The following NPSR1 variants were observed in gnomAD, a reference collection of about 807,000 sequenced individuals.
NPSR1 encodes neuropeptide S receptor 1.
In NPSR1, 48 loss-of-function variants were observed where a neutral mutation model predicts 46.9. The ratio of observed to expected loss-of-function variants is 1.02; its 90% confidence interval spans 0.81 to 1.30. The LOEUF is 1.30. Ranked by LOEUF, NPSR1 falls within the 50% of genes most tolerant of loss-of-function variation. The probability of loss-of-function intolerance (pLI) is 0.00; values close to 1 mark genes in which losing one functional copy is unlikely to be tolerated. For synonymous variants in NPSR1, 176 were observed against 168.1 expected (o/e 1.05, Z -0.36); for missense variants, 450 against 449.5 (o/e 1.00, Z -0.01).
At chr7:34,792,871 G>A (rs1788002150) in intron 3 of NPSR1, among the ~76,000 whole-genome samples, 1 of 140,950 alleles carries the variant, frequency 7.1e-6, no homozygotes, top group Admixed American at 7.2e-5. Context: ...GCAACAGAGA[G>A]AGACCCTGTC....
chr7:34,784,030 A>G (rs1787350967), intron 3 of NPSR1, among the ~76,000 whole-genome samples: 1 of 152,202 alleles, frequency 6.6e-6, no homozygotes, highest in East Asian at 1.9e-4. Flanking sequence ...GCTAAAGGAA[A>G]AAAAAAAGAG....
intron 6 of NPSR1, among the ~76,000 whole-genome samples, chr7:34,841,871 G>A (rs1340643678): frequency 6.6e-6 from 1 of 152,184 alleles, no homozygotes; most frequent in African/African-American, 2.4e-5. Context: ...CCTAGGAACA[G>A]CCAGTGGGGA....
intron 8 of NPSR1, among the ~76,000 whole-genome samples, chr7:34,866,761 A>C (rs1198191031): frequency 1.3e-5 from 2 of 151,710 alleles, no homozygotes; most frequent in Admixed American, 6.6e-5. Flanking sequence ...AAGGAGAGTA[A>C]GCTAGGTGAA....
At chr7:34,737,705 C>T (rs1337088057) in intron 2 of NPSR1, among the ~76,000 whole-genome samples, 2 of 152,192 alleles carry the variant, frequency 1.3e-5, no homozygotes, top group Non-Finnish European at 2.9e-5. Context: ...TGCTTCTTCT[C>T]AGTCTCTTTT....
intron 8 of NPSR1, among the ~76,000 whole-genome samples, chr7:34,872,594 G>A (rs1203453577): frequency 1.3e-5 from 2 of 151,798 alleles, no homozygotes; most frequent in South Asian, 2.1e-4. Context: ...AGGAAAAAGG[G>A]TTTAATGGAC....
intron 8 of NPSR1, among the ~76,000 whole-genome samples, chr7:34,873,604 T>C (rs1249931856): frequency 6.6e-6 from 1 of 151,452 alleles, no homozygotes; most frequent in East Asian, 1.9e-4. Flanking sequence ...TCACACTCTT[T>C]TAAACAACCA....
rs190829259 is a variant in NPSR1, at chr7:34,715,589, G to A, written c.280+30905G>A. ...ACTATGTCACTCCCAGACTGAGACT[G>A]TGAAAAGCCCCTATTAGATGGTTGT... On this transcript the variant is annotated intron_variant, in intron 2 of 8. Transcript: ENST00000360581. Among the ~76,000 whole-genome samples, 4 of 152,332 alleles carry A rather than the reference G, an allele frequency of 2.6e-5. No individual in the cohort carries two copies. The East Asian group carries it at 7.7e-4, about 29-fold the overall frequency.
At position 34,792,703 on chromosome 7, in the gene NPSR1, A is replaced by ATATATATATATTTTTATATATATATG. The variant is rs1554331539; in HGVS notation, c.384+14151_384+14152insTTATATATATATGTATATATATATTT. Among the ~76,000 whole-genome samples, 620 of 88,520 alleles carry ATATATATATATTTTTATATATATATG rather than the reference A, an allele frequency of 7.0e-3. 22 individuals carry two copies. Among genetic ancestry groups the ATATATATATATTTTTATATATATATG allele is most frequent in the African/African-American group, 0.023 (600 of 26,114 alleles). 58.1% of individuals were successfully genotyped at this position (88,520 alleles called of 152,430 possible). ...TATATATATATGTATATATATACGT[A>ATATATATATATTTTTATATATATATG]TATATATATATTTATATATATATAT... On this transcript the variant is annotated intron_variant, in intron 3 of 8. Coordinates refer to ENST00000360581, the MANE Select transcript of NPSR1 (RefSeq NM_207172.2).
At chr7:34,809,264 ATT>A (rs1391872464) in intron 3 of NPSR1, among the ~76,000 whole-genome samples, 1 of 151,388 alleles carries the variant, frequency 6.6e-6, no homozygotes, top group Non-Finnish European at 1.5e-5. Context: ...CTAGTCTTCC[ATT>A]TTTCTCTTTC....
intron 8 of NPSR1, among the ~76,000 whole-genome samples, chr7:34,862,898 A>G (rs1339979952): frequency 6.6e-6 from 1 of 151,738 alleles, no homozygotes; most frequent in African/African-American, 2.4e-5. Context: ...GTAAATATAG[A>G]CCATCATATG....
chr7:34,761,881 G>A (rs1204718649), intron 2 of NPSR1, among the ~76,000 whole-genome samples: 1 of 152,202 alleles, frequency 6.6e-6, no homozygotes, highest in Non-Finnish European at 1.5e-5. Flanking sequence ...GGAGTGAGGA[G>A]GAGAAATAGT....
intron 6 of NPSR1, among the ~76,000 whole-genome samples, chr7:34,842,815 G>A (rs545928913): frequency 1.3e-5 from 2 of 152,324 alleles, no homozygotes; most frequent in Non-Finnish European, 2.9e-5. Flanking sequence ...AATGGCCTGC[G>A]GCCGCCTCAG....
intron 7 of NPSR1, among the ~76,000 whole-genome samples, chr7:34,846,224 G>C (rs895700740): frequency 6.6e-6 from 1 of 152,162 alleles, no homozygotes; most frequent in Non-Finnish European, 1.5e-5. Context: ...ATGTTTACAA[G>C]TGTGTCCCAG....
intron 6 of NPSR1, among the ~76,000 whole-genome samples, chr7:34,835,283 A>C (rs1790313612): frequency 1.3e-5 from 2 of 152,142 alleles, no homozygotes; most frequent in South Asian, 4.1e-4. Context: ...ACAAATACAC[A>C]CACCTTCACA....
At chr7:34,813,451 G>C (rs1371457816) in intron 4 of NPSR1, among the ~76,000 whole-genome samples, 1 of 152,132 alleles carries the variant, frequency 6.6e-6, no homozygotes, top group Non-Finnish European at 1.5e-5. Context: ...TCTAGCTCCA[G>C]CGCCCTCAAA....
At chr7:34,685,744 A>G in intron 2 of NPSR1, 2 of 403,920 alleles carry the variant, frequency 5.0e-6, no homozygotes, top group Non-Finnish European at 9.7e-6. Flanking sequence ...TTTTCTTTCT[A>G]ACAAAGTATA....
Position 34,741,583 on chromosome 7 carries a change from GT to G in NPSR1, c.281-36877del, listed in dbSNP as rs529632451. Among the ~76,000 whole-genome samples, 47 of 152,208 alleles carry G rather than the reference GT, an allele frequency of 3.1e-4. No individual in the cohort carries two copies. The South Asian group carries it at 9.3e-3, about 30-fold the overall frequency. On this transcript the variant is annotated intron_variant, in intron 2 of 8. Transcript: ENST00000360581. ...CTCTATGACCCTGGGAATATTCTAA[GT>G]TAGGTAAAACAAAGGCACACTTTGT... is the stretch of plus-strand genomic sequence containing the variant.
rs1453730769 is a variant in NPSR1, at chr7:34,790,786, ATATATATGTTATAGGTTATATGT to A, written c.384+12248_384+12270del. Among the ~76,000 whole-genome samples the A allele has an allele frequency of 1.5e-4, 20 of 130,702 alleles. 1 individual carries two copies. The highest frequency in any genetic ancestry group is 9.0e-4 in the South Asian group (4 of 4,424). 85.7% of individuals were successfully genotyped at this position (130,702 alleles called of 152,430 possible). A position where few individuals can be genotyped will look rare whatever the true frequency, so the allele number is the denominator to read the frequency against. ...TTATATATAATATATGTTATATGTTATATATATGTTATAGGTTATATGTTATATATGTTATAGGTTATATGTTA... is the reference window on the plus strand; with the variant it reads ...TTATATATAATATATGTTATATGTTATATATATGTTATAGGTTATATGTTA... On this transcript the variant is annotated intron_variant, in intron 3 of 8. Coordinates refer to ENST00000360581, the MANE Select transcript of NPSR1 (RefSeq NM_207172.2).
intron 2 of NPSR1, among the ~76,000 whole-genome samples, chr7:34,736,252 T>G (rs564404445): frequency 3.3e-5 from 5 of 152,304 alleles, no homozygotes. Flanking sequence ...TCTCCTCTAG[T>G]CTTCATATAA....
Sources: allele counts gnomAD v4.1 joint callset (sites outside exome capture counted in the v4.1 genomes callset), GRCh38; gene constraint gnomAD v4.1.1; transcripts MANE v1.5; gene names NCBI Gene and HGNC (gene_info 2026-07-23, HGNC 2026-07-21).